RIN3: variants seen among roughly 807,000 people sequenced by gnomAD.
The protein encoded by RIN3 is Ras and Rab interactor 3.
Under a neutral mutation model 76.3 loss-of-function variants are expected in RIN3, and 54 were observed. That is an observed-to-expected ratio of 0.71 (90% CI 0.57 to 0.89). The LOEUF is 0.89. RIN3 is among the 40% of genes least tolerant of loss of function. RIN3 has a pLI of 0.00. For missense variants in RIN3, 1,256 were observed against 1,322.1 expected (o/e 0.95, Z 0.78); for synonymous variants, 576 against 564.0 (o/e 1.02, Z -0.30).
chr14:92,678,271 C>T (rs971374083), intron 8 of RIN3, among the ~76,000 whole-genome samples: 25 of 151,006 alleles, frequency 1.7e-4, no homozygotes, highest in East Asian at 5.9e-4. Flanking sequence ...CCCATCCATC[C>T]GTCCACTCAT....
chr14:92,608,961 T>C (rs1885624903), intron 3 of RIN3, among the ~76,000 whole-genome samples: 1 of 152,122 alleles, frequency 6.6e-6, no homozygotes, highest in African/African-American at 2.4e-5. Flanking sequence ...TTAGTGATGA[T>C]TTCTGAGATT....
At chr14:92,527,899 A>C (rs911166742) in intron 1 of RIN3, among the ~76,000 whole-genome samples, 1 of 152,136 alleles carries the variant, frequency 6.6e-6, no homozygotes, top group Admixed American at 6.6e-5. Context: ...TTCCCCGCTC[A>C]GGCCTGTTTG....
At chr14:92,626,894 C>T (rs1886377953) in intron 4 of RIN3, among the ~76,000 whole-genome samples, 1 of 152,170 alleles carries the variant, frequency 6.6e-6, no homozygotes, top group Admixed American at 6.5e-5. Flanking sequence ...GGCATAGTCT[C>T]TTCCCGCAAG....
chr14:92,543,430 T>TA (rs1897170589), intron 1 of RIN3, among the ~76,000 whole-genome samples: 1 of 152,052 alleles, frequency 6.6e-6, no homozygotes, highest in African/African-American at 2.4e-5. Flanking sequence ...CAGATACAAC[T>TA]GCTGCTTGCT....
intron 3 of RIN3, among the ~76,000 whole-genome samples, chr14:92,585,839 A>C (rs1425311102): frequency 6.6e-6 from 1 of 152,174 alleles, no homozygotes; most frequent in Non-Finnish European, 1.5e-5. Context: ...GTTTCAGTCC[A>C]TAAAAAGTAA....
intron 3 of RIN3, among the ~76,000 whole-genome samples, chr14:92,608,437 TG>T (rs1350101119): frequency 6.6e-6 from 1 of 152,214 alleles, no homozygotes; most frequent in African/African-American, 2.4e-5. Context: ...TGGTATATGC[TG>T]GGGGTTCTGT....
intron 4 of RIN3, among the ~76,000 whole-genome samples, chr14:92,629,936 A>G (rs1886509280): frequency 6.6e-6 from 1 of 152,262 alleles, no homozygotes; most frequent in East Asian, 1.9e-4. Flanking sequence ...GCAAAACATC[A>G]GAGGCCTCCT....
intron 2 of RIN3, among the ~76,000 whole-genome samples, chr14:92,559,839 G>A (rs1000575938): frequency 6.6e-6 from 1 of 152,206 alleles, no homozygotes; most frequent in African/African-American, 2.4e-5. Context: ...ATGAAAGAGA[G>A]TGGAGGGAAT....
Position 92,547,090 on chromosome 14 carries a change from A to T in RIN3, c.45-8661A>T, listed in dbSNP as rs866515093. On this transcript the variant is annotated intron_variant, in intron 1 of 9. Coordinates refer to ENST00000216487, the MANE Select transcript of RIN3 (RefSeq NM_024832.5). ...ATTTTATTTTATATTATATTATATT[A>T]TATTATAATTAAATAAATTATCTTT... Among the ~76,000 whole-genome samples the T allele has an allele frequency of 2.3e-3, 142 of 62,976 alleles. 18 individuals carry two copies. Among genetic ancestry groups the T allele is most frequent in the African/African-American group, 7.9e-3 (131 of 16,572 alleles). 41.3% of individuals were successfully genotyped at this position (62,976 alleles called of 152,430 possible). A position where few individuals can be genotyped will look rare whatever the true frequency, so the allele number is the denominator to read the frequency against.
At chr14:92,579,220 GCCCGGCC>G (rs1898359032) in intron 3 of RIN3, among the ~76,000 whole-genome samples, 1 of 152,218 alleles carries the variant, frequency 6.6e-6, no homozygotes, top group African/African-American at 2.4e-5. Context: ...GAGCCACCGT[GCCCGGCC>G]CTGAGCCATA....
chr14:92,672,649 TATGTGTGTGC>T (rs1258395265), intron 7 of RIN3, among the ~76,000 whole-genome samples: 3 of 136,200 alleles, frequency 2.2e-5, no homozygotes, highest in Non-Finnish European at 3.3e-5. Context: ...ATTATATATA[TATGTGTGTGC>T]ATGTGTGTGT....
At chr14:92,600,546 T>C (rs1480296555) in intron 3 of RIN3, among the ~76,000 whole-genome samples, 1 of 152,246 alleles carries the variant, frequency 6.6e-6, no homozygotes, top group African/African-American at 2.4e-5. Flanking sequence ...TCTTGGTGTC[T>C]CTGCACTGCT....
rs987025475 is a variant in RIN3 at position 92,651,977 on chromosome 14, C to T, written c.928C>T (p.Pro310Ser). The part of the protein sequence containing the change: ...LPALAPAPAC[P>S]LPTSPPVPAP... ...TGCTCTTGCCCCCGCCCCTGCCTGT[C>T]CTTTGCCCACCTCTCCCCCAGTGCC... is the stretch of plus-strand genomic sequence containing the variant. Residue 310 changes from proline (P) to serine (S), a missense_variant, in exon 6 of 10, where the codon CCT (proline) becomes TCT (serine). Transcript: ENST00000216487. The T allele has an allele frequency of 1.5e-6, 2 of 1,352,944 alleles. No individual in the cohort carries two copies. Among genetic ancestry groups the T allele is most frequent in the Non-Finnish European group, 2.0e-6 (2 of 999,750 alleles). 83.8% of individuals were successfully genotyped at this position (1,352,944 alleles called of 1,614,324 possible).
chr14:92,661,754 C>CAAAAAAAA (rs796462501), intron 7 of RIN3, among the ~76,000 whole-genome samples: 234 of 133,494 alleles, frequency 1.8e-3, no homozygotes, highest in African/African-American at 6.1e-3. Context: ...CACACACACA[C>CAAAAAAAA]ACACAAAAAA....
At chr14:92,574,193 T>A (rs1432286627) in intron 2 of RIN3, among the ~76,000 whole-genome samples, 1 of 151,976 alleles carries the variant, frequency 6.6e-6, no homozygotes, top group Admixed American at 6.6e-5. Context: ...AGAGAGGGGG[T>A]CCTGAACAGG....
chr14:92,546,726 C>A (rs1897275873), intron 1 of RIN3, among the ~76,000 whole-genome samples: 1 of 152,110 alleles, frequency 6.6e-6, no homozygotes, highest in Non-Finnish European at 1.5e-5. Flanking sequence ...GCCCCCCGCC[C>A]CCAGCCTCAG....
intron 1 of RIN3, among the ~76,000 whole-genome samples, chr14:92,535,334 C>CTTTTTTTTT (rs5810602): frequency 2.3e-5 from 3 of 130,024 alleles, no homozygotes; most frequent in Non-Finnish European, 3.2e-5. Context: ...TTCTTTCTTT[C>CTTTTTTTTT]TTTTTTTTTT....
Position 92,659,237 on chromosome 14 carries a change from G to T in RIN3, c.2103G>T (p.Gln701His). 6.2e-7 allele frequency: 1 copy of T among 1,614,194 alleles called. No individual in the cohort carries two copies. Among genetic ancestry groups the T allele is most frequent in the Non-Finnish European group, 8.5e-7 (1 of 1,180,028 alleles). Residue 701 changes from glutamine to histidine, a missense_variant, in exon 7 of 10, where the codon CAG (glutamine) becomes CAT (histidine). Around this residue, in one of 3 missense-constraint regions of RIN3, gnomAD observed 428 missense variants for 521.2 expected, o/e 0.82. Transcript: ENST00000216487. ...LKEAINSCLH[Q>H]IHSKDGSLQQ... ...AAGCCATCAACTCATGCCTGCATCA[G>T]ATCCACAGCAAGGATGGTTCGCTGC... is the stretch of plus-strand genomic sequence containing the variant.
rs1196272234 is a variant in RIN3, at chr14:92,621,172, C to T, written c.440+5693C>T. Among the ~76,000 whole-genome samples the T allele has an allele frequency of 7.8e-5, 10 of 128,632 alleles. 1 individual carries two copies. The Admixed American group carries it at 9.3e-4, about 12-fold the overall frequency. 84.4% of individuals were successfully genotyped at this position (128,632 alleles called of 152,430 possible). ...AATGGCGTGAACCCGGAAGGCGGAG[C>T]TTGCAGTGAGCCAAGATTACGCCAC... On this transcript the variant is annotated intron_variant, in intron 4 of 9. Transcript: ENST00000216487.
Sources: gnomAD v4.1 joint callset for allele counts (sites outside exome capture counted in the v4.1 genomes callset) on GRCh38, gnomAD v4.1.1 for gene constraint, gnomAD v4.1.1 regional missense constraint, MANE v1.5 for transcripts, NCBI Gene and HGNC (gene_info 2026-07-23, HGNC 2026-07-21) for gene names.